The following NRDE2 variants were observed in gnomAD, a reference collection of about 807,000 sequenced individuals.
The protein encoded by NRDE2 is NRDE-2, necessary for RNA interference, domain containing.
NRDE2 carries 76 observed loss-of-function variants against 124.2 expected under a neutral mutation model. That is an observed-to-expected ratio of 0.61 (90% CI 0.51 to 0.74). The LOEUF is 0.74. Among genes scored for constraint, NRDE2 ranks in the 30% least tolerant of loss-of-function variants. The pLI, the probability that NRDE2 is intolerant of heterozygous loss-of-function variation, is 0.00. For missense variants in NRDE2, 1,314 were observed against 1,417.3 expected (o/e 0.93, Z 1.17); for synonymous variants, 489 against 528.1 (o/e 0.93, Z 1.01).
At position 90,318,153 on chromosome 14, in the gene NRDE2, C is replaced by A. The variant is rs775568885; in HGVS notation, c.65-40G>T. 2.0e-6 allele frequency: 3 copies of A among 1,467,996 alleles called. No homozygotes were observed. The African/African-American group carries it at 4.2e-5, about 21-fold the overall frequency. The allele number at this position is 1,467,996 out of a possible 1,614,324, so 90.9% of individuals were successfully genotyped here. A position where few individuals can be genotyped will look rare whatever the true frequency, so the allele number is the denominator to read the frequency against. On this transcript the variant is annotated intron_variant, in intron 1 of 13. Transcript: ENST00000354366. The stretch of plus-strand genomic sequence containing the variant: ...GGAGAAAAGATCAATGAAATTAGTT[C>A]AATATGATTCTAAAGCAGGAGATCT...
At chr14:90,293,760 A>G (rs1325707990) in intron 8 of NRDE2, among the ~76,000 whole-genome samples, 1 of 152,220 alleles carries the variant, frequency 6.6e-6, no homozygotes, top group Admixed American at 6.5e-5. Flanking sequence ...TCAATATCCA[A>G]TAATTTATTT....
In NRDE2 at chr14:90,271,476, TTAAATATATTGGAATAAATGC is replaced by T. The variant is rs1456130144; in HGVS notation, c.*6839_*6859del. 1 of 152,192 alleles carries T rather than the reference TTAAATATATTGGAATAAATGC, an allele frequency of 6.6e-6. No individual in the cohort carries two copies. The allele number at this position is 152,192 out of a possible 1,614,324, so 9.4% of individuals were successfully genotyped here. On this transcript the variant is annotated 3_prime_UTR_variant, in exon 14 of 14. Transcript: ENST00000354366. ...CTTTGGGCCAGTAATTACTGAGAAA[TTAAATATATTGGAATAAATGC>T]TATACTCTGTAGTATTATTCCATAG...
At chr14:90,281,049 G>A (rs913958969) in intron 12 of NRDE2, 26 of 152,238 alleles carry the variant, frequency 1.7e-4, no homozygotes, top group African/African-American at 6.3e-4. Context: ...AGGGAAGCAG[G>A]AATGGAGACT....
intron 4 of NRDE2, among the ~76,000 whole-genome samples, chr14:90,309,601 T>A (rs529977656): frequency 9.9e-5 from 15 of 151,824 alleles, no homozygotes; most frequent in Admixed American, 2.6e-4. Flanking sequence ...ACAGACTCCA[T>A]CTGGGGGAGA....
At chr14:90,324,965 G>A (rs1425373098) in intron 1 of NRDE2, among the ~76,000 whole-genome samples, 1 of 152,088 alleles carries the variant, frequency 6.6e-6, no homozygotes, top group Non-Finnish European at 1.5e-5. Flanking sequence ...CTAACGGCGG[G>A]GACGCTATTT....
chr14:90,279,961 CG>C (rs1281638046), intron 12 of NRDE2: 1 of 152,404 alleles, frequency 6.6e-6, no homozygotes, highest in Non-Finnish European at 1.5e-5. Flanking sequence ...ACCAAGCGGC[CG>C]GGGCACAGCA....
intron 1 of NRDE2, among the ~76,000 whole-genome samples, chr14:90,318,568 G>C (rs1437111390): frequency 1.3e-5 from 2 of 152,180 alleles, no homozygotes; most frequent in African/African-American, 4.8e-5. Flanking sequence ...GGGAGGCTGA[G>C]GAGGGCAGAT....
At chr14:90,282,756 C>T (rs982053454) in intron 12 of NRDE2, among the ~76,000 whole-genome samples, 9 of 152,128 alleles carry the variant, frequency 5.9e-5, no homozygotes, top group Non-Finnish European at 8.8e-5. Context: ...CAACCTCCGC[C>T]TCCCGGGTTC....
At position 90,273,028 on chromosome 14, in the gene NRDE2, A is replaced by AT. The variant is rs1443130025; in HGVS notation, c.*5307dup. On this transcript the variant is annotated 3_prime_UTR_variant, in exon 14 of 14. Coordinates refer to ENST00000354366, the MANE Select transcript of NRDE2 (RefSeq NM_017970.4). ...CCCTTCTGAGCCCTTGGGCTCAGAA[A>AT]TCTCATCCCTTTCAAGGTGTTCAGA... is the stretch of plus-strand genomic sequence containing the variant. The AT allele has an allele frequency of 6.6e-6, 1 of 152,162 alleles. No individual in the cohort carries two copies. The highest frequency in any genetic ancestry group is 2.4e-5 in the African/African-American group (1 of 41,430). 9.4% of individuals were successfully genotyped at this position (152,162 alleles called of 1,614,324 possible). A position where few individuals can be genotyped will look rare whatever the true frequency, so the allele number is the denominator to read the frequency against.
Position 90,268,540 on chromosome 14 carries a change from C to A in NRDE2, c.*9796G>T. 1 of 880,208 alleles carries A rather than the reference C, an allele frequency of 1.1e-6. No homozygotes were observed. Among genetic ancestry groups the A allele is most frequent in the Non-Finnish European group, 1.8e-6 (1 of 557,574 alleles). 54.5% of individuals were successfully genotyped at this position (880,208 alleles called of 1,614,324 possible). On this transcript the variant is annotated 3_prime_UTR_variant, in exon 14 of 14. Transcript: ENST00000354366. ...TTCTTGCTGTGCGTGGCCTTCCATGCATGCTTTAGGCTCTGCTCTCCCAGG... is the reference window on the plus strand; with the variant it reads ...TTCTTGCTGTGCGTGGCCTTCCATGAATGCTTTAGGCTCTGCTCTCCCAGG...
Position 90,268,081 on chromosome 14 carries a change from C to T in NRDE2, c.*10255G>A, listed in dbSNP as rs188680069. ...TTATCTACTTAGGAGAATGGAATGTCGTGACACTTGAATTGGTGCCATGCC... is the reference window on the plus strand; with the variant it reads ...TTATCTACTTAGGAGAATGGAATGTTGTGACACTTGAATTGGTGCCATGCC... On this transcript the variant is annotated 3_prime_UTR_variant, in exon 14 of 14. Transcript: ENST00000354366. 5.7e-5 allele frequency: 35 copies of T among 616,466 alleles called. No homozygotes were observed. Among genetic ancestry groups the T allele is most frequent in the East Asian group, 4.5e-4 (16 of 35,548 alleles). The allele number at this position is 616,466 out of a possible 1,614,324, so 38.2% of individuals were successfully genotyped here.
chr14:90,324,173 G>A (rs1016811575), intron 1 of NRDE2, among the ~76,000 whole-genome samples: 5 of 152,144 alleles, frequency 3.3e-5, no homozygotes, highest in African/African-American at 1.2e-4. Flanking sequence ...GAAATAGACA[G>A]TGAGAAATAG....
chr14:90,314,980 C>G (rs1425287616), intron 3 of NRDE2, among the ~76,000 whole-genome samples: 2 of 151,608 alleles, frequency 1.3e-5, no homozygotes, highest in Admixed American at 1.3e-4. Context: ...AGATCGAGAC[C>G]AGCCTGGCCA....
chr14:90,304,130 A>T lies in NRDE2; in HGVS notation c.810T>A (p.Asn270Lys). The T allele has an allele frequency of 6.2e-7, 1 of 1,614,184 alleles. No homozygotes were observed. The highest frequency in any genetic ancestry group is 8.5e-7 in the Non-Finnish European group (1 of 1,180,040). Reference sequence around the variant, plus strand: ...TTGACTGATCATAAATCCCCAGAGGATTCAACCAGGTTGTAACAGGAGCCG... The same window carrying T: ...TTGACTGATCATAAATCCCCAGAGGTTTCAACCAGGTTGTAACAGGAGCCG... ...EDAAPVTTWL[N>K]PLGIYDQSTT... The change falls in exon 5 of 14, where the codon AAT becomes AAA. Residue 270 changes from asparagine (N) to lysine (K), a missense_variant. Physicochemically the swap from Asn to Lys is moderately conservative, Grantham distance 94. Coordinates refer to ENST00000354366, the MANE Select transcript of NRDE2 (RefSeq NM_017970.4).
intron 12 of NRDE2, chr14:90,281,630 C>T (rs1891956546): frequency 6.6e-6 from 1 of 152,194 alleles, no homozygotes; most frequent in Non-Finnish European, 1.5e-5. Context: ...ACGTGTGCCA[C>T]CTCCCCATGG....
chr14:90,305,828 T>C (rs1486628542), intron 4 of NRDE2, among the ~76,000 whole-genome samples: 2 of 152,172 alleles, frequency 1.3e-5, no homozygotes, highest in Non-Finnish European at 2.9e-5. Flanking sequence ...GCGGTCAGAG[T>C]AATATTTCAC....
Position 90,316,751 on chromosome 14 carries a change from T to C in NRDE2, c.234A>G (p.Thr78=), listed in dbSNP as rs1885064250. 3.1e-6 allele frequency: 5 copies of C among 1,613,322 alleles called. No homozygotes were observed. The highest frequency in any genetic ancestry group is 4.2e-6 in the Non-Finnish European group (5 of 1,179,934). ...TTTTCTCTTTCTTCTTTTTTCTACTTGTTTGTTTGAGCTTTTTGTTAGTGT... is the reference window on the plus strand; with the variant it reads ...TTTTCTCTTTCTTCTTTTTTCTACTCGTTTGTTTGAGCTTTTTGTTAGTGT... ...ESDTNKKLKQ[T]SRKKKKEKKK... is the part of the protein sequence containing the mutation. The change falls in exon 3 of 14, where the codon ACA becomes ACG. Residue 78 remains threonine, a synonymous_variant. Coordinates refer to ENST00000354366, the MANE Select transcript of NRDE2 (RefSeq NM_017970.4).
At position 90,301,376 on chromosome 14, in the gene NRDE2, C is replaced by T. The variant is rs780834337; in HGVS notation, c.1412-4G>A. 64 of 1,613,366 alleles carry T rather than the reference C, an allele frequency of 4.0e-5. 2 individuals are homozygous for T. The highest frequency in any genetic ancestry group is 3.8e-4 in the East Asian group (17 of 44,866). ...TGGCACTGCTGAAGAAAGAGTGCTG[C>T]GAACAGGAGGGCAAAGGGGAAGAAG... is the stretch of plus-strand genomic sequence containing the variant. On this transcript the variant is annotated splice_region_variant and splice_polypyrimidine_tract_variant and intron_variant, in intron 6 of 13. Transcript: ENST00000354366.
At chr14:90,322,381 C>T (rs1885275749) in intron 1 of NRDE2, among the ~76,000 whole-genome samples, 1 of 152,200 alleles carries the variant, frequency 6.6e-6, no homozygotes, top group African/African-American at 2.4e-5. Context: ...TGACTATTCA[C>T]TACTGTATTC....
Sources: allele counts gnomAD v4.1 joint callset (sites outside exome capture counted in the v4.1 genomes callset), GRCh38; gene constraint gnomAD v4.1.1; transcripts MANE v1.5; gene names NCBI Gene and HGNC (gene_info 2026-07-23, HGNC 2026-07-21).